The following JARID2 variants were observed in gnomAD, a reference collection of about 807,000 sequenced individuals.
JARID2 encodes protein Jumonji.
JARID2 carries 21 observed loss-of-function variants against 125.6 expected under a neutral mutation model. That is an observed-to-expected ratio of 0.17 (90% CI 0.12 to 0.24). JARID2 has a LOEUF of 0.24. Ranked by LOEUF, JARID2 falls within the 10% of genes least tolerant of loss-of-function variation. The probability of loss-of-function intolerance (pLI) is 1.00; values close to 1 mark genes in which losing one functional copy is unlikely to be tolerated. For synonymous variants in JARID2, 736 were observed against 661.6 expected, an observed-to-expected ratio of 1.11 and a Z score of -1.73; for missense variants, 1,303 against 1,639.6, an observed-to-expected ratio of 0.79 and a Z score of 3.55.
At chr6:15,281,036 G>T (rs1374756128) in intron 1 of JARID2, among the ~76,000 whole-genome samples, 1 of 152,158 alleles carries the variant, frequency 6.6e-6, no homozygotes, top group Non-Finnish European at 1.5e-5. Context: ...ACACCGTGCC[G>T]TCATATGAGT....
In JARID2 at chr6:15,496,420, T is replaced by G. The variant is rs144274940; in HGVS notation, c.1195T>G (p.Ser399Ala). Residue 399 changes from serine to alanine, a missense_variant, in exon 7 of 18, where the codon TCC becomes GCC. Ser to Ala is a moderately conservative substitution (Grantham distance 99). Transcript: ENST00000341776. ...GCTATCCCTCGGGGGGGCGTCCAAG[T>G]CCACTGGGCCCGCCGTCAATGGCCT... Reference protein sequence around the residue: ...QVLSLGGASKSTGPAVNGLKV... With the variant: ...QVLSLGGASKATGPAVNGLKV... The G allele has an allele frequency of 5.6e-6, 9 of 1,613,282 alleles. No homozygotes were observed. Among genetic ancestry groups the G allele is most frequent in the Non-Finnish European group, 7.6e-6 (9 of 1,179,844 alleles).
At chr6:15,332,357 A>T (rs1039312806) in intron 1 of JARID2, among the ~76,000 whole-genome samples, 5 of 152,212 alleles carry the variant, frequency 3.3e-5, no homozygotes, top group African/African-American at 1.2e-4. Flanking sequence ...AGAATATATC[A>T]TGTAATACTG....
chr6:15,433,924 GTGTGTGT>G (rs1767084851), intron 3 of JARID2, among the ~76,000 whole-genome samples: 10 of 25,368 alleles, frequency 3.9e-4, no homozygotes, highest in African/African-American at 1.1e-3. Context: ...TCTCCAGGGT[GTGTGTGT>G]GTGTGTGTGT....
intron 1 of JARID2, among the ~76,000 whole-genome samples, chr6:15,321,593 T>G (rs1762356752): frequency 6.6e-6 from 1 of 152,146 alleles, no homozygotes; most frequent in Admixed American, 6.6e-5. Flanking sequence ...TCGTAACTTG[T>G]CATTAGAAAA....
At chr6:15,286,403 C>T (rs376524929) in intron 1 of JARID2, among the ~76,000 whole-genome samples, 12 of 151,734 alleles carry the variant, frequency 7.9e-5, no homozygotes, top group African/African-American at 2.9e-4. Context: ...AGGTGCCCAC[C>T]ACCACACCCG....
At chr6:15,298,287 T>C (rs1165078737) in intron 1 of JARID2, among the ~76,000 whole-genome samples, 2 of 152,200 alleles carry the variant, frequency 1.3e-5, no homozygotes, top group Non-Finnish European at 2.9e-5. Context: ...GAAGAAAATA[T>C]TTTCGCGAGA....
At chr6:15,372,371 T>G (rs1764202878) in intron 1 of JARID2, among the ~76,000 whole-genome samples, 1 of 152,158 alleles carries the variant, frequency 6.6e-6, no homozygotes, top group South Asian at 2.1e-4. Flanking sequence ...TTATTATTAT[T>G]ATTTTTAGAC....
At chr6:15,272,639 C>A (rs995100006) in intron 1 of JARID2, among the ~76,000 whole-genome samples, 1 of 152,198 alleles carries the variant, frequency 6.6e-6, no homozygotes, top group Non-Finnish European at 1.5e-5. Context: ...CTACTTGACC[C>A]CAAATCAGGA....
At chr6:15,368,961 T>C (rs1320121350) in intron 1 of JARID2, among the ~76,000 whole-genome samples, 2 of 152,148 alleles carry the variant, frequency 1.3e-5, no homozygotes, top group Non-Finnish European at 2.9e-5. Flanking sequence ...GATTCTGCTT[T>C]TCTAACAGGC....
intron 17 of JARID2, among the ~76,000 whole-genome samples, chr6:15,519,681 G>C (rs1771737897): frequency 6.6e-6 from 1 of 152,220 alleles, no homozygotes; most frequent in Non-Finnish European, 1.5e-5. Flanking sequence ...AGGTTCAGTG[G>C]CCGGTAGCTA....
chr6:15,374,152 G>A lies in JARID2; in HGVS notation c.81G>A (p.Arg27=), dbSNP rs1281487465. ...ATGGGATTCCGTGGTCAGAAGAACG[G>A]GTGGTACGTAAAGTCCTTTATTTGT... is the stretch of plus-strand genomic sequence containing the variant. The part of the protein sequence containing the change: ...DSDGIPWSEE[R]VVRKVLYLSL... The change falls in exon 2 of 18, where the codon CGG becomes CGA. Residue 27 remains arginine (R), a synonymous_variant. Transcript: ENST00000341776. 9.3e-6 allele frequency: 15 copies of A among 1,614,022 alleles called. No homozygotes were observed. Among genetic ancestry groups the A allele is most frequent in the Non-Finnish European group, 1.3e-5 (15 of 1,179,982 alleles).
At chr6:15,361,107 C>T (rs187980766) in intron 1 of JARID2, among the ~76,000 whole-genome samples, 1 of 152,160 alleles carries the variant, frequency 6.6e-6, no homozygotes, top group African/African-American at 2.4e-5. Flanking sequence ...GAGGTGACTC[C>T]ATTTACTGAG....
chr6:15,267,187 GT>G (rs1760118136), intron 1 of JARID2, among the ~76,000 whole-genome samples: 1 of 152,178 alleles, frequency 6.6e-6, no homozygotes, highest in South Asian at 2.1e-4. Flanking sequence ...TGAACACAGT[GT>G]CCAAAGAGAC....
At chr6:15,389,804 C>T (rs886717896) in intron 2 of JARID2, among the ~76,000 whole-genome samples, 1 of 152,194 alleles carries the variant, frequency 6.6e-6, no homozygotes, top group Non-Finnish European at 1.5e-5. Flanking sequence ...CTAGCTAAGA[C>T]AGTGGACTAT....
chr6:15,428,594 A>T (rs867926676), intron 3 of JARID2, among the ~76,000 whole-genome samples: 2 of 152,194 alleles, frequency 1.3e-5, no homozygotes, highest in African/African-American at 4.8e-5. Flanking sequence ...TACAAAGGAC[A>T]TGAACTCATG....
intron 1 of JARID2, among the ~76,000 whole-genome samples, chr6:15,282,209 C>T (rs1022670535): frequency 2.0e-5 from 3 of 152,028 alleles, no homozygotes; most frequent in Admixed American, 6.5e-5. Flanking sequence ...TCCCAAAGTG[C>T]TGAGATTACA....
At chr6:15,362,727 G>A (rs543886157) in intron 1 of JARID2, among the ~76,000 whole-genome samples, 5 of 152,142 alleles carry the variant, frequency 3.3e-5, no homozygotes, top group African/African-American at 1.2e-4. Context: ...AAATTGCAGC[G>A]TGGCTGTGTT....
At chr6:15,297,503 A>G (rs920028990) in intron 1 of JARID2, among the ~76,000 whole-genome samples, 3 of 147,764 alleles carry the variant, frequency 2.0e-5, no homozygotes, top group Non-Finnish European at 4.5e-5. Context: ...TTTTTTTTTT[A>G]AACTAAAAGT....
intron 3 of JARID2, among the ~76,000 whole-genome samples, chr6:15,421,422 AAAG>A (rs1336035182): frequency 6.6e-6 from 1 of 152,000 alleles, no homozygotes; most frequent in Non-Finnish European, 1.5e-5. Flanking sequence ...AAAAAAAAAA[AAAG>A]GTGAACAGCG....
Sources: gnomAD v4.1 joint callset for allele counts (sites outside exome capture counted in the v4.1 genomes callset) on GRCh38, gnomAD v4.1.1 for gene constraint, MANE v1.5 for transcripts, NCBI Gene and HGNC (gene_info 2026-07-23, HGNC 2026-07-21) for gene names.